EXOC4: variants seen among roughly 807,000 people sequenced by gnomAD.
EXOC4 encodes exocyst complex component 4, also known as SEC8-like 1.
EXOC4 carries 71 observed loss-of-function variants against 107.2 expected under a neutral mutation model. The ratio of observed to expected loss-of-function variants is 0.66; its 90% CI spans 0.55 to 0.81. EXOC4 has a LOEUF of 0.81. EXOC4 is among the 30% of genes least tolerant of loss of function. The pLI is 0.00. For synonymous variants in EXOC4, 456 were observed against 441.2 expected (o/e 1.03, Z -0.42); for missense variants, 1,108 against 1,189.6 (o/e 0.93, Z 1.01).
At chr7:133,971,891 G>T (rs1649226634) in intron 14 of EXOC4, among the ~76,000 whole-genome samples, 1 of 152,220 alleles carries the variant, frequency 6.6e-6, no homozygotes, top group African/African-American at 2.4e-5. Flanking sequence ...GCTCATCTTA[G>T]ATGACTTTAC....
chr7:133,503,997 A>G, intron 9 of EXOC4, among the ~76,000 whole-genome samples: 1 of 152,062 alleles, frequency 6.6e-6, no homozygotes, highest in East Asian at 1.9e-4. Flanking sequence ...GTGTGTATAT[A>G]TATATATGTA....
At chr7:134,056,895 G>A (rs1283851028) in intron 17 of EXOC4, among the ~76,000 whole-genome samples, 1 of 152,178 alleles carries the variant, frequency 6.6e-6, no homozygotes, top group Non-Finnish European at 1.5e-5. Context: ...TGTCCTGGAG[G>A]AGTTTCTTTG....
At chr7:134,039,288 T>C (rs1259525058) in intron 17 of EXOC4, among the ~76,000 whole-genome samples, 4 of 152,070 alleles carry the variant, frequency 2.6e-5, no homozygotes, top group Admixed American at 6.5e-5. Flanking sequence ...GAGTGCATAA[T>C]AAACCTTGGA....
rs191547794 is a variant in EXOC4 at position 133,364,165 on chromosome 7, G to T, written c.1007+7592G>T. On this transcript the variant is annotated intron_variant, in intron 6 of 17. Coordinates refer to ENST00000253861, the MANE Select transcript of EXOC4 (RefSeq NM_021807.4). ...TATGGAGATGTGGTCTCACTCTGTC[G>T]CTGAGGCTGGAATGTAGAGGCCCAA... Among the ~76,000 whole-genome samples the T allele has an allele frequency of 6.5e-3, 982 of 152,082 alleles. 6 individuals carry two copies. Among genetic ancestry groups the T allele is most frequent in the South Asian group, 0.026 (127 of 4,816 alleles).
intron 7 of EXOC4, among the ~76,000 whole-genome samples, chr7:133,400,101 G>A (rs1563051373): frequency 6.6e-6 from 1 of 152,182 alleles, no homozygotes; most frequent in Admixed American, 6.5e-5. Context: ...AGGAGTTAGT[G>A]GCACTGAGAT....
chr7:134,067,632 TATATATACAC>T (rs774061979), downstream of EXOC4, among the ~76,000 whole-genome samples: 22 of 98,538 alleles, frequency 2.2e-4, no homozygotes, highest in East Asian at 1.9e-3. Context: ...CTCTTATATA[TATATATACAC>T]ACACACACAC....
chr7:133,266,592 TC>T (rs1793735047), intron 1 of EXOC4, among the ~76,000 whole-genome samples: 1 of 152,218 alleles, frequency 6.6e-6, no homozygotes, highest in Non-Finnish European at 1.5e-5. Flanking sequence ...CATAATTTGA[TC>T]TATTTAGTCC....
chr7:133,918,501 G>A (rs1260022721), intron 13 of EXOC4, among the ~76,000 whole-genome samples: 1 of 152,186 alleles, frequency 6.6e-6, no homozygotes, highest in Non-Finnish European at 1.5e-5. Context: ...ACTGTCAGTT[G>A]GACTTTCTGG....
chr7:133,637,026 G>A (rs1802729577), intron 10 of EXOC4, among the ~76,000 whole-genome samples: 1 of 152,132 alleles, frequency 6.6e-6, no homozygotes, highest in Non-Finnish European at 1.5e-5. Context: ...GCAGTACAGG[G>A]TACTGTTTCA....
At chr7:133,475,935 A>C (rs1799000677) in intron 8 of EXOC4, among the ~76,000 whole-genome samples, 1 of 152,118 alleles carries the variant, frequency 6.6e-6, no homozygotes, top group Non-Finnish European at 1.5e-5. Flanking sequence ...TTATCTAATT[A>C]TAACCTTAGT....
intron 17 of EXOC4, among the ~76,000 whole-genome samples, chr7:134,028,369 C>T (rs1795193163): frequency 6.6e-6 from 1 of 152,204 alleles, no homozygotes; most frequent in South Asian, 2.1e-4. Flanking sequence ...GCTCTGCCCA[C>T]ATCAACTTGG....
At chr7:133,860,848 A>T (rs141968178) in intron 11 of EXOC4, among the ~76,000 whole-genome samples, 1 of 151,148 alleles carries the variant, frequency 6.6e-6, no homozygotes, top group African/African-American at 2.4e-5. Context: ...ATTAATATGT[A>T]TGATCTCAAC....
chr7:133,844,728 T>A (rs1378516798), intron 11 of EXOC4, among the ~76,000 whole-genome samples: 1 of 152,088 alleles, frequency 6.6e-6, no homozygotes, highest in Non-Finnish European at 1.5e-5. Context: ...GTTCTTCTCA[T>A]TGGCCATACC....
intron 9 of EXOC4, among the ~76,000 whole-genome samples, chr7:133,550,918 A>G (rs540782857): frequency 1.3e-5 from 2 of 151,972 alleles, no homozygotes; most frequent in South Asian, 4.2e-4. Context: ...GGTGGGCCCA[A>G]TTCAGTCAGC....
chr7:133,973,966 G>A (rs1254514338), intron 14 of EXOC4, among the ~76,000 whole-genome samples: 2 of 152,160 alleles, frequency 1.3e-5, no homozygotes, highest in African/African-American at 4.8e-5. Context: ...AAAAAGGGAC[G>A]GGGCCGCAAA....
At chr7:133,462,752 G>A (rs1299698651) in intron 7 of EXOC4, among the ~76,000 whole-genome samples, 3 of 151,966 alleles carry the variant, frequency 2.0e-5, no homozygotes. Flanking sequence ...AGTAGTTAAT[G>A]GCAGGAAAAA....
At chr7:133,431,254 G>T (rs1050032352) in intron 7 of EXOC4, among the ~76,000 whole-genome samples, 1 of 152,124 alleles carries the variant, frequency 6.6e-6, no homozygotes, top group Non-Finnish European at 1.5e-5. Context: ...TGCTTTGGGG[G>T]TTTATTGACA....
chr7:133,276,107 C>T (rs1277064183), intron 2 of EXOC4, among the ~76,000 whole-genome samples: 1 of 151,746 alleles, frequency 6.6e-6, no homozygotes, highest in Non-Finnish European at 1.5e-5. Flanking sequence ...TCCTTTCTTC[C>T]TTCCCCCACG....
At chr7:133,664,705 TC>T (rs1449553562) in intron 10 of EXOC4, among the ~76,000 whole-genome samples, 1 of 152,148 alleles carries the variant, frequency 6.6e-6, no homozygotes, top group Non-Finnish European at 1.5e-5. Context: ...TGAAGATAAA[TC>T]TATGCAGAAT....
Sources: allele counts gnomAD v4.1 joint callset (sites outside exome capture counted in the v4.1 genomes callset), GRCh38; gene constraint gnomAD v4.1.1; transcripts MANE v1.5; gene names NCBI Gene and HGNC (gene_info 2026-07-23, HGNC 2026-07-21).